The following STIM1 variants were observed in gnomAD, a reference collection of about 807,000 sequenced individuals.
The protein encoded by STIM1 is stromal interaction molecule 1.
STIM1 carries 25 observed loss-of-function variants against 74.7 expected under a neutral mutation model. That is an observed-to-expected ratio of 0.33 (90% confidence interval 0.24 to 0.47). The LOEUF is 0.47. STIM1 is among the 20% of genes least tolerant of loss of function. The probability of loss-of-function intolerance (pLI) is 1.00; values close to 1 mark genes in which losing one functional copy is unlikely to be tolerated. For synonymous variants in STIM1, 328 were observed against 348.8 expected, an observed-to-expected ratio of 0.94 and a Z score of 0.66; for missense variants, 728 against 920.8, an observed-to-expected ratio of 0.79 and a Z score of 2.71.
chr11:3,921,897 G>A (rs2092722190), intron 1 of STIM1: 1 of 152,130 alleles, frequency 6.6e-6, no homozygotes, highest in East Asian at 1.9e-4. Context: ...CAATCAGCAT[G>A]GACTTGCTGG....
At chr11:4,077,186 G>T (rs2094442198) in intron 7 of STIM1, among the ~76,000 whole-genome samples, 1 of 151,530 alleles carries the variant, frequency 6.6e-6, no homozygotes, top group African/African-American at 2.4e-5. Flanking sequence ...ATGAAGTATT[G>T]ACCTAAAGCA....
chr11:4,059,785 A>G (rs1286659481), intron 5 of STIM1, among the ~76,000 whole-genome samples: 5 of 152,166 alleles, frequency 3.3e-5, no homozygotes, highest in Non-Finnish European at 7.3e-5. Context: ...AAGGGTGGAT[A>G]GAGCTTTATT....
chr11:4,024,057 C>A, intron 3 of STIM1, 70 bp downstream of exon 3: 1 of 1,290,080 alleles, frequency 7.8e-7, no homozygotes, highest in Non-Finnish European at 1.1e-6. Flanking sequence ...GCAACTTGGC[C>A]TTAGAAGAAC....
chr11:4,041,424 C>T lies in STIM1; in HGVS notation c.386-14102C>T, dbSNP rs982098582. Among the ~76,000 whole-genome samples the T allele has an allele frequency of 3.3e-5, 5 of 152,036 alleles. No homozygotes were observed. In the South Asian group the frequency reaches 6.2e-4, roughly 19 times the overall value. On this transcript the variant is annotated intron_variant, in intron 3 of 12. Coordinates refer to ENST00000526596, the MANE Select transcript of STIM1 (RefSeq NM_001382567.1). ...TAATAATTATAGATGATTTTTTTTA[C>T]ACTTATAGTATGCTAGGAGCTTCCC...
chr11:4,025,507 C>T (rs533697592), intron 3 of STIM1, among the ~76,000 whole-genome samples: 11 of 152,196 alleles, frequency 7.2e-5, no homozygotes, highest in East Asian at 3.9e-4. Flanking sequence ...ACTATACCAG[C>T]GGTGCCAGGA....
At chr11:4,018,132 T>G (rs184758934) in intron 2 of STIM1, among the ~76,000 whole-genome samples, 105 of 150,884 alleles carry the variant, frequency 7.0e-4, no homozygotes, top group African/African-American at 2.4e-3. Context: ...CTGACTAACA[T>G]GGAGAAACCC....
rs763710364 is a variant in STIM1, at chr11:4,091,816, T to G, written c.*18T>G. On this transcript the variant is annotated 3_prime_UTR_variant, in exon 13 of 13. Coordinates refer to ENST00000526596, the MANE Select transcript of STIM1 (RefSeq NM_001382567.1). ...AGAAGTAGGCAGGATGGGGTGGCAG[T>G]AAAGGGACAGCTTGTCCTTCCCTGG... The G allele has an allele frequency of 6.2e-7, 1 of 1,600,400 alleles. No homozygotes were observed. The highest frequency in any genetic ancestry group is 8.5e-7 in the Non-Finnish European group (1 of 1,179,926).
chr11:3,883,134 A>C (rs1869085), intron 1 of STIM1, among the ~76,000 whole-genome samples: 40,448 of 151,970 alleles, frequency 0.27, 5,991 homozygotes, highest in South Asian at 0.41. Flanking sequence ...TAGCCTTTAA[A>C]TATACCTAGC....
chr11:3,894,525 G>T (rs988194173), intron 1 of STIM1, among the ~76,000 whole-genome samples: 1 of 152,150 alleles, frequency 6.6e-6, no homozygotes, highest in East Asian at 1.9e-4. Context: ...TCTTAGCAGA[G>T]CATGGGTCCC....
intron 3 of STIM1, among the ~76,000 whole-genome samples, chr11:4,029,601 CAGAG>C (rs1309010131): frequency 6.7e-6 from 1 of 150,254 alleles, no homozygotes; most frequent in Admixed American, 6.7e-5. Flanking sequence ...GAGAGAGAGA[CAGAG>C]AGAGACAGAG....
intron 10 of STIM1, 101 bp downstream of exon 10, chr11:4,083,599 C>T (rs2094476940): frequency 2.7e-6 from 3 of 1,123,402 alleles, no homozygotes; most frequent in Admixed American, 4.0e-5. Flanking sequence ...GGGCAGATAC[C>T]CAGGAAGATA....
intron 1 of STIM1, among the ~76,000 whole-genome samples, chr11:3,950,537 A>G (rs2093134127): frequency 6.6e-6 from 1 of 152,208 alleles, no homozygotes; most frequent in Non-Finnish European, 1.5e-5. Context: ...TTTGGGTATT[A>G]CAAATAAAGC....
chr11:3,947,957 T>C (rs2093099901), intron 1 of STIM1, among the ~76,000 whole-genome samples: 1 of 152,214 alleles, frequency 6.6e-6, no homozygotes, highest in Non-Finnish European at 1.5e-5. Context: ...CCTCCCTTTC[T>C]CCCTTAGACA....
intron 3 of STIM1, among the ~76,000 whole-genome samples, chr11:4,039,160 C>A (rs2094127958): frequency 6.6e-6 from 1 of 152,084 alleles, no homozygotes; most frequent in Non-Finnish European, 1.5e-5. Context: ...AAAATGTTGG[C>A]TCTGTGTGGT....
chr11:3,909,928 G>A lies in STIM1; in HGVS notation c.139+53519G>A, dbSNP rs185361039. On this transcript the variant is annotated intron_variant, in intron 1 of 12. Transcript: ENST00000526596. ...ATGAGACTGGAATCAGAGCCGTTCC[G>A]AGGAAATAATGAAAATATGAGAACT... Among the ~76,000 whole-genome samples, 37 of 152,216 alleles carry A rather than the reference G, an allele frequency of 2.4e-4. No homozygotes were observed. The East Asian group carries it at 5.8e-3, about 24-fold the overall frequency.
At chr11:4,034,682 A>G (rs1426459266) in intron 3 of STIM1, among the ~76,000 whole-genome samples, 1 of 152,202 alleles carries the variant, frequency 6.6e-6, no homozygotes, top group Non-Finnish European at 1.5e-5. Flanking sequence ...GAGTTCATGT[A>G]GAATTGGTAT....
intron 1 of STIM1, among the ~76,000 whole-genome samples, chr11:3,885,792 C>A (rs2091682612): frequency 6.6e-6 from 1 of 152,124 alleles, no homozygotes; most frequent in African/African-American, 2.4e-5. Flanking sequence ...CATGAGCAAC[C>A]ACACCTGGCT....
chr11:3,979,637 G>A (rs1219582285), intron 2 of STIM1, among the ~76,000 whole-genome samples: 1 of 152,042 alleles, frequency 6.6e-6, no homozygotes, highest in Non-Finnish European at 1.5e-5. Context: ...ACAGGGTCTT[G>A]CTATGTTGCC....
chr11:3,873,226 A>G (rs1237386171), intron 1 of STIM1, among the ~76,000 whole-genome samples: 2 of 151,518 alleles, frequency 1.3e-5, no homozygotes, highest in African/African-American at 2.4e-5. Context: ...GAGCAGCCTG[A>G]CCAACATGGA....
Sources: allele counts gnomAD v4.1 joint callset (sites outside exome capture counted in the v4.1 genomes callset), GRCh38; gene constraint gnomAD v4.1.1; transcripts MANE v1.5; gene names NCBI Gene and HGNC (gene_info 2026-07-23, HGNC 2026-07-21).